Variants in GALNT16 observed in about 807,000 individuals in gnomAD.
GALNT16 encodes the protein UDP-GalNAc:polypeptide N-acetylgalactosaminyltransferase-like protein 1.
A neutral mutation model predicts 76.1 loss-of-function variants in GALNT16; 40 were observed. The ratio of observed to expected loss-of-function variants is 0.53; its 90% CI spans 0.41 to 0.68. GALNT16 has a LOEUF of 0.68. Ranked by LOEUF, GALNT16 falls within the 30% of genes least tolerant of loss-of-function variation. GALNT16 has a pLI of 0.00. For synonymous variants in GALNT16, 276 were observed against 285.2 expected (o/e 0.97, Z 0.32); for missense variants, 621 against 731.9 (o/e 0.85, Z 1.75).
At chr14:69,269,498 G>A (rs62637934) in intron 1 of GALNT16, among the ~76,000 whole-genome samples, 40,130 of 149,458 alleles carry the variant, frequency 0.27, 5,655 homozygotes, top group South Asian at 0.35. Context: ...TGTGTGTGTG[G>A]CATTTGTGTG....
intron 1 of GALNT16, among the ~76,000 whole-genome samples, chr14:69,269,536 G>A (rs566876984): frequency 2.3e-4 from 34 of 149,518 alleles, no homozygotes; most frequent in African/African-American, 7.6e-4. Flanking sequence ...TTATGTGTGT[G>A]TGATGTGTGT....
At position 69,338,780 on chromosome 14, in the gene GALNT16, A is replaced by G. The variant is rs753467316; in HGVS notation, c.1094+3A>G. The G allele has an allele frequency of 5.6e-6, 9 of 1,610,158 alleles. No individual in the cohort carries two copies. Among genetic ancestry groups the G allele is most frequent in the South Asian group, 3.3e-5 (3 of 90,886 alleles). On this transcript the variant is annotated splice_donor_region_variant and intron_variant, in intron 10 of 14. Transcript: ENST00000448469. ...GGTAATGCCCTCACCTACATCAGGT[A>G]GGTCACCGAGAAAGGAGCACGGGAC...
At chr14:69,323,741 T>C (rs1317321178) in intron 2 of GALNT16, among the ~76,000 whole-genome samples, 1 of 152,146 alleles carries the variant, frequency 6.6e-6, no homozygotes, top group African/African-American at 2.4e-5. Context: ...CCCAGGCTAG[T>C]GGGACTCCTG....
chr14:69,267,634 G>T (rs2044357461), intron 1 of GALNT16, among the ~76,000 whole-genome samples: 1 of 152,160 alleles, frequency 6.6e-6, no homozygotes, highest in Non-Finnish European at 1.5e-5. Context: ...GAGTGGAGTG[G>T]CCCAGGATGG....
At chr14:69,360,963 G>C (rs961549852), downstream of GALNT16, among the ~76,000 whole-genome samples, 8 of 152,382 alleles carry the variant, frequency 5.2e-5, no homozygotes, top group Admixed American at 3.9e-4. Context: ...GCTCTGGGCA[G>C]TGATGGATCA....
chr14:69,342,094 T>C (rs2045495054), intron 12 of GALNT16, among the ~76,000 whole-genome samples: 1 of 152,030 alleles, frequency 6.6e-6, no homozygotes. Context: ...GAGTTTATCC[T>C]AAGGAAATAA....
chr14:69,329,983 G>C (rs1030866221), intron 6 of GALNT16, among the ~76,000 whole-genome samples: 1 of 152,160 alleles, frequency 6.6e-6, no homozygotes, highest in African/African-American at 2.4e-5. Flanking sequence ...ATATATTGCT[G>C]GCAGGAATGT....
chr14:69,344,541 C>T (rs1006919206), intron 12 of GALNT16, among the ~76,000 whole-genome samples: 9 of 152,228 alleles, frequency 5.9e-5, no homozygotes, highest in African/African-American at 1.7e-4. Context: ...TAGCCTGGCA[C>T]TGCTGGGGAG....
At chr14:69,327,648 T>C (rs962155723) in intron 5 of GALNT16, among the ~76,000 whole-genome samples, 5 of 152,164 alleles carry the variant, frequency 3.3e-5, no homozygotes, top group Admixed American at 2.6e-4. Flanking sequence ...GAGGCATGGC[T>C]AGGGAAATGT....
At chr14:69,328,916 G>A (rs1463056035) in intron 6 of GALNT16, among the ~76,000 whole-genome samples, 1 of 152,204 alleles carries the variant, frequency 6.6e-6, no homozygotes, top group African/African-American at 2.4e-5. Context: ...AGAGGGAGCA[G>A]AGGATGTTGT....
the GALNT16 span, among the ~76,000 whole-genome samples, chr14:69,386,116 C>T: frequency 1.3e-5 from 2 of 152,182 alleles, no homozygotes; most frequent in African/African-American, 4.8e-5. Flanking sequence ...GAAATGGCTA[C>T]AACCGGAACA....
At chr14:69,378,783 CTA>C in the GALNT16 span, among the ~76,000 whole-genome samples, 1 of 152,010 alleles carries the variant, frequency 6.6e-6, no homozygotes, top group Non-Finnish European at 1.5e-5. Context: ...CAGATCTGCT[CTA>C]GAGTATTTAA....
intron 1 of GALNT16, among the ~76,000 whole-genome samples, chr14:69,303,105 A>G (rs1056638021): frequency 1.3e-5 from 2 of 152,198 alleles, no homozygotes; most frequent in African/African-American, 4.8e-5. Context: ...GCTAGACCAG[A>G]GGTTGTGAAC....
intron 1 of GALNT16, among the ~76,000 whole-genome samples, chr14:69,281,839 G>T (rs1362717077): frequency 6.6e-6 from 1 of 152,182 alleles, no homozygotes; most frequent in Non-Finnish European, 1.5e-5. Flanking sequence ...CTCTGCCCGA[G>T]GGTGGGTGCT....
chr14:69,321,023 T>G (rs976044189), intron 2 of GALNT16, among the ~76,000 whole-genome samples, 155 bp downstream of exon 2: 8 of 152,250 alleles, frequency 5.3e-5, no homozygotes, highest in Non-Finnish European at 8.8e-5. Context: ...CCTCTGTTGC[T>G]GGTTTACCTG....
At chr14:69,356,046 C>T (rs1490437389), downstream of GALNT16, 1 of 152,246 alleles carries the variant, frequency 6.6e-6, no homozygotes, top group Non-Finnish European at 1.5e-5. Context: ...CAACAATGTT[C>T]TCAGTGTGTT....
chr14:69,274,861 T>C (rs1432057751), intron 1 of GALNT16, among the ~76,000 whole-genome samples: 1 of 152,130 alleles, frequency 6.6e-6, no homozygotes. Flanking sequence ...GTTACTGTCC[T>C]CATTTTACAC....
chr14:69,363,228 G>A, the GALNT16 span, among the ~76,000 whole-genome samples: 14 of 152,172 alleles, frequency 9.2e-5, no homozygotes, highest in African/African-American at 1.4e-4. Flanking sequence ...CGTAGAGCAC[G>A]CATGGCCTTG....
At chr14:69,327,918 T>C (rs1566882267) in intron 5 of GALNT16, among the ~76,000 whole-genome samples, 1 of 152,232 alleles carries the variant, frequency 6.6e-6, no homozygotes, top group Non-Finnish European at 1.5e-5. Flanking sequence ...TGTTTGATCC[T>C]GACAGTCAGG....
Sources: gnomAD v4.1 joint callset for allele counts (sites outside exome capture counted in the v4.1 genomes callset) on GRCh38, gnomAD v4.1.1 for gene constraint, MANE v1.5 for transcripts, NCBI Gene and HGNC (gene_info 2026-07-23, HGNC 2026-07-21) for gene names.